The following RTL4 variants were observed in gnomAD, a reference collection of about 807,000 sequenced individuals.
The protein encoded by RTL4 is retrotransposon Gag like 4.
In RTL4, 4 loss-of-function variants were observed where a neutral mutation model predicts 5.3. That is an observed-to-expected ratio of 0.75 (90% confidence interval 0.37 to 1.72). RTL4 has a LOEUF of 1.72. Among genes scored for constraint, RTL4 ranks in the 40% most tolerant of loss-of-function variants. The pLI, the probability that RTL4 is intolerant of heterozygous loss-of-function variation, is 0.04. For missense variants in RTL4, 260 were observed against 227.1 expected, an observed-to-expected ratio of 1.14 and a Z score of -0.93; for synonymous variants, 98 against 87.3, an observed-to-expected ratio of 1.12 and a Z score of -0.68.
chrX:112,269,740 C>A, the RTL4 span, among the ~76,000 whole-genome samples: 1 of 112,109 alleles, frequency 8.9e-6, no homozygotes, highest in African/African-American at 3.2e-5. Flanking sequence ...CCTGTATATT[C>A]TTTTCACTTA....
the RTL4 span, among the ~76,000 whole-genome samples, chrX:112,355,824 A>AT: frequency 3.6e-5 from 4 of 111,588 alleles, no homozygotes; most frequent in East Asian, 2.9e-4. Context: ...GCATCTCTGA[A>AT]TTTTTTTATC....
the RTL4 span, among the ~76,000 whole-genome samples, chrX:112,329,202 A>C: frequency 2.7e-5 from 3 of 111,538 alleles, no homozygotes; most frequent in Non-Finnish European, 5.6e-5. Flanking sequence ...AACCTTCAAA[A>C]AACTAATGAA....
the RTL4 span, among the ~76,000 whole-genome samples, chrX:112,238,729 T>C: frequency 0.017 from 1,861 of 111,497 alleles, 39 homozygotes; most frequent in African/African-American, 0.057. Context: ...GATGGTGTGC[T>C]GCTATAGTAT....
At chrX:112,198,823 T>C in the RTL4 span, among the ~76,000 whole-genome samples, 2 of 110,682 alleles carry the variant, frequency 1.8e-5, no homozygotes. Context: ...ATTGTTACTA[T>C]GGAGAAATGC....
chrX:112,287,122 G>T, the RTL4 span, among the ~76,000 whole-genome samples: 2 of 111,845 alleles, frequency 1.8e-5, no homozygotes, highest in Admixed American at 9.5e-5. Flanking sequence ...AGTGCCTAGC[G>T]CAGTGCCTGA....
the RTL4 span, among the ~76,000 whole-genome samples, chrX:112,218,611 A>G: frequency 8.9e-6 from 1 of 111,781 alleles, no homozygotes; most frequent in Admixed American, 9.5e-5. Flanking sequence ...CCATACTCTC[A>G]TACACAGCTC....
the RTL4 span, among the ~76,000 whole-genome samples, chrX:112,135,401 A>G: frequency 9.0e-6 from 1 of 111,272 alleles, no homozygotes; most frequent in Non-Finnish European, 1.9e-5. Flanking sequence ...AATATGGGCA[A>G]TTGTTTTCCT....
At chrX:112,230,797 A>G in the RTL4 span, among the ~76,000 whole-genome samples, 3 of 111,816 alleles carry the variant, frequency 2.7e-5, no homozygotes. Context: ...GGCAACCTAC[A>G]GAATGGGAGA....
At chrX:112,413,550 C>T in the RTL4 span, among the ~76,000 whole-genome samples, 1 of 110,923 alleles carries the variant, frequency 9.0e-6, no homozygotes, top group Non-Finnish European at 1.9e-5. Context: ...TTTGTAACAA[C>T]ATAGAAGGAA....
the RTL4 span, among the ~76,000 whole-genome samples, chrX:112,420,780 G>A: frequency 1.4e-4 from 16 of 111,556 alleles, no homozygotes; most frequent in African/African-American, 3.6e-4. Context: ...TTTATTTCCC[G>A]TTACTGAATA....
At chrX:112,416,619 G>A in the RTL4 span, among the ~76,000 whole-genome samples, 2 of 111,916 alleles carry the variant, frequency 1.8e-5, no homozygotes, top group African/African-American at 3.2e-5. Flanking sequence ...GCATTCTCGT[G>A]TACAATGGAA....
the RTL4 span, among the ~76,000 whole-genome samples, chrX:112,408,369 A>G: frequency 9.1e-6 from 1 of 109,729 alleles, no homozygotes; most frequent in East Asian, 2.9e-4. Flanking sequence ...GACATACTGA[A>G]TAATGCATTA....
the RTL4 span, among the ~76,000 whole-genome samples, chrX:112,250,046 G>A: frequency 1.8e-5 from 2 of 110,501 alleles, no homozygotes; most frequent in Non-Finnish European, 3.8e-5. Flanking sequence ...GGAGGCCGAG[G>A]TAGGTGGATC....
At chrX:112,219,771 T>TA in the RTL4 span, among the ~76,000 whole-genome samples, 1 of 112,577 alleles carries the variant, frequency 8.9e-6, no homozygotes, top group Non-Finnish European at 1.9e-5. Context: ...CATTTGGATA[T>TA]ATTCTCAAAT....
the RTL4 span, among the ~76,000 whole-genome samples, chrX:112,216,007 G>A: frequency 7.1e-3 from 791 of 111,674 alleles, 4 homozygotes; most frequent in African/African-American, 0.024. Context: ...GGGGTTGCAC[G>A]TTGTATCTGT....
the RTL4 span, among the ~76,000 whole-genome samples, chrX:112,312,097 C>T: frequency 9.0e-6 from 1 of 111,487 alleles, no homozygotes; most frequent in African/African-American, 3.3e-5. Context: ...CTATTCCCAG[C>T]ATAGGTAATA....
the RTL4 span, among the ~76,000 whole-genome samples, chrX:112,400,394 T>G: frequency 8.9e-6 from 1 of 112,054 alleles, no homozygotes; most frequent in Non-Finnish European, 1.9e-5. Context: ...AACTTCATTG[T>G]GTTCTTTTTT....
chrX:112,366,880 C>A, the RTL4 span, among the ~76,000 whole-genome samples: 1 of 111,850 alleles, frequency 8.9e-6, no homozygotes, highest in Non-Finnish European at 1.9e-5. Context: ...TCTAAGGCAG[C>A]TTTGATCAGC....
the RTL4 span, among the ~76,000 whole-genome samples, chrX:112,092,497 T>C: frequency 8.9e-6 from 1 of 111,796 alleles, no homozygotes; most frequent in Non-Finnish European, 1.9e-5. Context: ...CCCATATCTA[T>C]TCACTTAAAT....
Sources: allele counts gnomAD v4.1 joint callset (sites outside exome capture counted in the v4.1 genomes callset), GRCh38; gene constraint gnomAD v4.1.1; transcripts MANE v1.5; gene names NCBI Gene and HGNC (gene_info 2026-07-23, HGNC 2026-07-21).